ITGA1: variants seen among roughly 807,000 people sequenced by gnomAD.
ITGA1 encodes the protein integrin alpha-1.
In ITGA1, 85 loss-of-function variants were observed where a neutral mutation model predicts 145.9. The observed-to-expected ratio is 0.58, with a 90% CI of 0.49 to 0.70. The LOEUF (loss-of-function observed/expected upper bound fraction) is 0.70, where lower values mean the gene tolerates loss of function less well. Ranked by LOEUF, ITGA1 falls within the 30% of genes least tolerant of loss-of-function variation. The probability of loss-of-function intolerance (pLI) is 0.00; values close to 1 mark genes in which losing one functional copy is unlikely to be tolerated. For synonymous variants in ITGA1, 520 were observed against 495.3 expected (o/e 1.05, Z -0.66); for missense variants, 1,351 against 1,418.7 (o/e 0.95, Z 0.77).
chr5:52,796,038 T>TGAGATTA (rs1748335599), intron 1 of ITGA1, among the ~76,000 whole-genome samples: 1 of 151,892 alleles, frequency 6.6e-6, no homozygotes, highest in Non-Finnish European at 1.5e-5. Flanking sequence ...AACAAATATG[T>TGAGATTA]TAGGATGAGA....
chr5:52,851,799 G>C (rs952832883), intron 2 of ITGA1, among the ~76,000 whole-genome samples: 4 of 151,996 alleles, frequency 2.6e-5, no homozygotes, highest in African/African-American at 9.7e-5. Context: ...TGGTGGGTTA[G>C]GTTTTTTTTA....
At chr5:52,941,795 T>C (rs1268253887) in intron 26 of ITGA1, among the ~76,000 whole-genome samples, 4 of 152,250 alleles carry the variant, frequency 2.6e-5, no homozygotes, top group African/African-American at 9.6e-5. Context: ...ATCCCACTTG[T>C]CAATTTTTGT....
chr5:52,882,982 A>C (rs1259691911), intron 7 of ITGA1: 1 of 152,194 alleles, frequency 6.6e-6, no homozygotes, highest in African/African-American at 2.4e-5. Context: ...AATGGATTGG[A>C]TATTCAAAAT....
chr5:52,861,117 A>G (rs1051876313), intron 2 of ITGA1, among the ~76,000 whole-genome samples: 4 of 152,176 alleles, frequency 2.6e-5, no homozygotes, highest in Admixed American at 2.0e-4. Flanking sequence ...ATATAAACAA[A>G]ATAATAAAGC....
chr5:52,945,561 T>G (rs2111908492), intron 27 of ITGA1, among the ~76,000 whole-genome samples: 1 of 152,316 alleles, frequency 6.6e-6, no homozygotes. Flanking sequence ...TAGAAAGGTT[T>G]GAGTTTTTAA....
chr5:52,912,690 A>T (rs1467853389), intron 14 of ITGA1, among the ~76,000 whole-genome samples: 1 of 143,024 alleles, frequency 7.0e-6, no homozygotes, highest in Non-Finnish European at 1.5e-5. Context: ...TAGTGTGTGT[A>T]TATAGATACA....
chr5:52,880,483 G>A lies in ITGA1; in HGVS notation c.625-1390G>A, dbSNP rs1206301742. 2.6e-5 allele frequency among the ~76,000 whole-genome samples: 4 copies of A among 152,066 alleles called. No homozygotes were observed. The East Asian group carries it at 7.7e-4, about 29-fold the overall frequency. On this transcript the variant is annotated intron_variant, in intron 6 of 28. Coordinates refer to ENST00000282588, the MANE Select transcript of ITGA1 (RefSeq NM_181501.2). Reference sequence around the variant, plus strand: ...AAAAACACACCAGAATATGCTTTTAGTTTCCAAAAAGACTTAGTGTGAAAA... The same window carrying A: ...AAAAACACACCAGAATATGCTTTTAATTTCCAAAAAGACTTAGTGTGAAAA...
At chr5:52,892,308 A>G (rs1312515480) in intron 8 of ITGA1, among the ~76,000 whole-genome samples, 1 of 151,738 alleles carries the variant, frequency 6.6e-6, no homozygotes, top group African/African-American at 2.4e-5. Flanking sequence ...AATTGCTAAA[A>G]CTAACAAGTG....
At chr5:52,896,065 T>C (rs1036425543) in intron 9 of ITGA1, among the ~76,000 whole-genome samples, 3 of 152,180 alleles carry the variant, frequency 2.0e-5, no homozygotes, top group Non-Finnish European at 4.4e-5. Flanking sequence ...CCATTTCCCG[T>C]TGAGCACTGG....
At position 52,937,500 on chromosome 5, in the gene ITGA1, T is replaced by C; in HGVS notation, c.3064T>C (p.Leu1022=). Residue 1022 remains leucine (L), a synonymous_variant, in exon 24 of 29, where the codon TTG becomes CTG. Coordinates refer to ENST00000282588, the MANE Select transcript of ITGA1 (RefSeq NM_181501.2). ...TTACCCTGTGCTGTACCCAACTGGA[T>C]TGTCATCTTCTGAGGTAAGTCATGT... The part of the protein sequence containing the change: ...NGYPVLYPTG[L]SSSENANCRP... 2.5e-6 allele frequency: 4 copies of C among 1,602,720 alleles called. No homozygotes were observed. The highest frequency in any genetic ancestry group is 3.4e-6 in the Non-Finnish European group (4 of 1,169,694).
intron 1 of ITGA1, among the ~76,000 whole-genome samples, chr5:52,817,998 A>G: frequency 6.6e-6 from 1 of 152,152 alleles, no homozygotes; most frequent in East Asian, 1.9e-4. Context: ...ATAGGATATG[A>G]TTGCGTTCCC....
At chr5:52,876,113 C>G (rs1185842240) in intron 6 of ITGA1, among the ~76,000 whole-genome samples, 1 of 152,160 alleles carries the variant, frequency 6.6e-6, no homozygotes, top group Non-Finnish European at 1.5e-5. Context: ...TTTCTCTCCT[C>G]TTGCTTCCTC....
At chr5:52,800,260 C>A in intron 1 of ITGA1, 1 of 840,106 alleles carries the variant, frequency 1.2e-6, no homozygotes, top group South Asian at 1.7e-5. Context: ...AAGCGTGTTT[C>A]CTTCCCGCCA....
intron 1 of ITGA1, among the ~76,000 whole-genome samples, chr5:52,846,607 T>C (rs1749342025): frequency 6.6e-6 from 1 of 152,210 alleles, no homozygotes; most frequent in Admixed American, 6.5e-5. Flanking sequence ...TGTGAAAGAC[T>C]ATTATGCAGA....
At chr5:52,843,693 G>A (rs1446928757) in intron 1 of ITGA1, among the ~76,000 whole-genome samples, 3 of 152,152 alleles carry the variant, frequency 2.0e-5, no homozygotes, top group African/African-American at 7.2e-5. Context: ...GGATTGTTGT[G>A]AGCTGGGTTG....
chr5:52,881,793 C>T, intron 6 of ITGA1, 80 bp from the exon 7 acceptor site: 9 of 1,319,436 alleles, frequency 6.8e-6, no homozygotes, highest in Non-Finnish European at 9.5e-6. Context: ...TGTATTATAT[C>T]TGATTCACAT....
Position 52,939,667 on chromosome 5 carries a change from C to T in ITGA1, c.3156C>T (p.Asp1052=). 1 of 1,612,334 alleles carries T rather than the reference C, an allele frequency of 6.2e-7. No homozygotes were observed. The highest frequency in any genetic ancestry group is 8.5e-7 in the Non-Finnish European group (1 of 1,178,482). The change falls in exon 25 of 29, where the codon GAC becomes GAT. Residue 1052 remains aspartate (D), a synonymous_variant. Transcript: ENST00000282588. ...NSGKKMTTST[D]HLKRGTILDC... is the part of the protein sequence containing the mutation. ...GAAAGAAAATGACTACATCAACTGA[C>T]CATCTCAAACGAGGCACAATTCTGG...
chr5:52,929,957 A>G (rs938690150), intron 21 of ITGA1, among the ~76,000 whole-genome samples: 1 of 152,204 alleles, frequency 6.6e-6, no homozygotes, highest in Non-Finnish European at 1.5e-5. Flanking sequence ...AGATACCATA[A>G]TCACACATCA....
intron 1 of ITGA1, among the ~76,000 whole-genome samples, chr5:52,846,050 T>A (rs1580058998): frequency 6.6e-6 from 1 of 152,156 alleles, no homozygotes; most frequent in African/African-American, 2.4e-5. Flanking sequence ...ATCGCCTATG[T>A]CTTCTAGGCT....
Sources: allele counts gnomAD v4.1 joint callset (sites outside exome capture counted in the v4.1 genomes callset), GRCh38; gene constraint gnomAD v4.1.1; transcripts MANE v1.5; gene names NCBI Gene and HGNC (gene_info 2026-07-23, HGNC 2026-07-21).